GSTZ1: variants seen among roughly 807,000 people sequenced by gnomAD.
The protein encoded by GSTZ1 is maleylacetoacetate isomerase.
A neutral mutation model predicts 35.9 loss-of-function variants in GSTZ1; 34 were observed. The ratio of observed to expected loss-of-function variants is 0.95; its 90% CI spans 0.72 to 1.26. GSTZ1 has a LOEUF of 1.26. GSTZ1 is among the 50% of genes most tolerant of loss of function. The probability of loss-of-function intolerance (pLI) is 0.00; values close to 1 mark genes in which losing one functional copy is unlikely to be tolerated. For synonymous variants in GSTZ1, 93 were observed against 101.2 expected (o/e 0.92, Z 0.49); for missense variants, 263 against 271.7 (o/e 0.97, Z 0.23).
chr14:77,327,208 G>T, intron 3 of GSTZ1: 1 of 595,510 alleles, frequency 1.7e-6, no homozygotes, highest in Non-Finnish European at 3.0e-6. Flanking sequence ...GCTGACTAGG[G>T]TAGGAGCTGC....
chr14:77,327,115 A>G, intron 3 of GSTZ1: 1 of 598,336 alleles, frequency 1.7e-6, no homozygotes, highest in Non-Finnish European at 3.0e-6. Flanking sequence ...CAGACTGTGT[A>G]CCCTAGCCTG....
intron 4 of GSTZ1, 29 bp from the exon 5 acceptor site, chr14:77,327,883 T>A (rs1441402428): frequency 1.2e-6 from 2 of 1,612,812 alleles, no homozygotes; most frequent in South Asian, 2.2e-5. Context: ...CTGGGCCCTC[T>A]CCCTGCCTCA....
intron 2 of GSTZ1, chr14:77,325,853 A>C (rs566045945): frequency 6.6e-6 from 1 of 152,282 alleles, no homozygotes; most frequent in Non-Finnish European, 1.5e-5. Context: ...CCTGGGCGCC[A>C]GTACCTCTGC....
chr14:77,330,104 G>A, intron 7 of GSTZ1: 2 of 703,418 alleles, frequency 2.8e-6, no homozygotes, highest in South Asian at 1.5e-5. Flanking sequence ...GGTTGTCAGG[G>A]CAACTGGAGC....
At chr14:77,327,306 G>A in intron 3 of GSTZ1, 166 bp from the exon 4 acceptor site, 1 of 625,670 alleles carries the variant, frequency 1.6e-6, no homozygotes, top group South Asian at 1.9e-5. Context: ...TGGGCTTTGG[G>A]AGACTGCATG....
chr14:77,331,240 C>T lies in GSTZ1; in HGVS notation c.*45C>T. 6.3e-7 allele frequency: 1 copy of T among 1,582,524 alleles called. No homozygotes were observed. ...TGGCACAGGGCCACAGGAGCAGAAG[C>T]TGGGTGGGCTGAAGAGGCCTGGAAA... is the stretch of plus-strand genomic sequence containing the variant. On this transcript the variant is annotated 3_prime_UTR_variant, in exon 9 of 9. Coordinates refer to ENST00000216465, the MANE Select transcript of GSTZ1 (RefSeq NM_145870.3).
At chr14:77,325,908 G>C (rs922760581) in intron 2 of GSTZ1, 1 of 152,176 alleles carries the variant, frequency 6.6e-6, no homozygotes, top group Non-Finnish European at 1.5e-5. Context: ...CTGTCTGTAC[G>C]GCCTGTGTGC....
chr14:77,326,903 C>A lies in GSTZ1; in HGVS notation c.133C>A (p.Gln45Lys). 1 of 1,598,448 alleles carries A rather than the reference C, an allele frequency of 6.3e-7. No homozygotes were observed. Among genetic ancestry groups the A allele is most frequent in the Non-Finnish European group, 8.5e-7 (1 of 1,169,702 alleles). ...PINLIKDGGQ[Q>K]FSKDFQALNP... Reference sequence around the variant, plus strand: ...CAATCTCATAAAGGATGGGGGCCAACAGGTAAGAAGGCTGTGCCCAGACCA... The same window carrying A: ...CAATCTCATAAAGGATGGGGGCCAAAAGGTAAGAAGGCTGTGCCCAGACCA... The change falls in exon 3 of 9, where the codon CAG (glutamine) becomes AAG (lysine). Residue 45 changes from glutamine (Q) to lysine (K), a missense_variant and splice_region_variant. By Grantham distance (53) the Gln-to-Lys change is moderately conservative. Transcript: ENST00000216465.
At chr14:77,329,866 C>A in intron 7 of GSTZ1, 59 bp downstream of exon 7, 1 of 1,291,406 alleles carries the variant, frequency 7.7e-7, no homozygotes, top group South Asian at 1.2e-5. Context: ...CTCATGCTGA[C>A]CTCCCTCAAG....
chr14:77,327,166 G>T, intron 3 of GSTZ1: 1 of 592,138 alleles, frequency 1.7e-6, no homozygotes, highest in Non-Finnish European at 3.0e-6. Flanking sequence ...GGTGGCTAGT[G>T]GGTCCCCACC....
At chr14:77,324,984 G>C in intron 2 of GSTZ1, 63 bp downstream of exon 2, 1 of 1,388,812 alleles carries the variant, frequency 7.2e-7, no homozygotes, top group Non-Finnish European at 1.0e-6. Flanking sequence ...GGATAAGCCC[G>C]GGTGCAAAGC....
intron 2 of GSTZ1, chr14:77,326,008 A>G (rs1223139155): frequency 6.6e-6 from 1 of 152,188 alleles, no homozygotes; most frequent in Non-Finnish European, 1.5e-5. Flanking sequence ...GGAGCCTGGT[A>G]TTGCCCAGGC....
At chr14:77,321,460 G>GCTCCCCATAACAGACCCCTCCCTC (rs1302683119) in intron 1 of GSTZ1, 19 of 1,511,590 alleles carry the variant, frequency 1.3e-5, no homozygotes, top group Non-Finnish European at 1.4e-5. Context: ...CGCCCTCCCT[G>GCTCCCCATAACAGACCCCTCCCTC]CTCCCCATAA....
intron 4 of GSTZ1, 37 bp from the exon 5 acceptor site, chr14:77,327,875 G>A: frequency 6.2e-7 from 1 of 1,611,358 alleles, no homozygotes; most frequent in Non-Finnish European, 8.5e-7. Flanking sequence ...CAGGGGTCCT[G>A]GGCCCTCTCC....
In GSTZ1 at chr14:77,327,897, C is replaced by T. The variant is rs538538865; in HGVS notation, c.217-15C>T. The stretch of plus-strand genomic sequence containing the variant: ...CCTGGGCCCTCTCCCTGCCTCACTG[C>T]TCCCCTCTGGACAGCTGGCCATCAT... On this transcript the variant is annotated splice_polypyrimidine_tract_variant and intron_variant, in intron 4 of 8. Coordinates refer to ENST00000216465, the MANE Select transcript of GSTZ1 (RefSeq NM_145870.3). 1.2e-5 allele frequency: 19 copies of T among 1,613,634 alleles called. No individual in the cohort carries two copies. In the African/African-American group the frequency reaches 1.9e-4, roughly 16 times the overall value.
At chr14:77,328,224 G>T (rs1892439684) in intron 5 of GSTZ1, 187 bp downstream of exon 5, 2 of 628,384 alleles carry the variant, frequency 3.2e-6, no homozygotes, top group Non-Finnish European at 5.5e-6. Context: ...CCCCCAGCGG[G>T]TCCCCCGCTG....
rs774347306 is a variant in GSTZ1, at chr14:77,330,321, T to C, written c.486T>C (p.Ala162=). ...IYCVGDEVTM[A]DLCLVPQVAN... is the part of the protein sequence containing the mutation. ...GGGACCTCTTTCAGGTGACCATGGCTGATCTGTGCTTGGTGCCTCAGGTGG... is the reference window on the plus strand; with the variant it reads ...GGGACCTCTTTCAGGTGACCATGGCCGATCTGTGCTTGGTGCCTCAGGTGG... Residue 162 remains alanine, a synonymous_variant, in exon 8 of 9, where the codon GCT becomes GCC. Transcript: ENST00000216465. The C allele has an allele frequency of 1.9e-6, 3 of 1,613,682 alleles. No individual in the cohort carries two copies. Among genetic ancestry groups the C allele is most frequent in the South Asian group, 2.2e-5 (2 of 91,072 alleles).
In GSTZ1 at chr14:77,330,227, G is replaced by A. The variant is rs747681473; in HGVS notation, c.475-83G>A. The A allele has an allele frequency of 7.5e-6, 7 of 934,316 alleles. No homozygotes were observed. In the East Asian group the frequency reaches 9.6e-5, roughly 13 times the overall value. The allele number at this position is 934,316 out of a possible 1,614,324, so 57.9% of individuals were successfully genotyped here. The stretch of plus-strand genomic sequence containing the variant: ...CCGAAGCAGATTGTTGGTACCCCCA[G>A]TAGAGTCGCAGTGGACACACCCAGT... On this transcript the variant is annotated intron_variant, in intron 7 of 8. Coordinates refer to ENST00000216465, the MANE Select transcript of GSTZ1 (RefSeq NM_145870.3).
chr14:77,321,318 G>T, intron 1 of GSTZ1, 135 bp downstream of exon 1: 31 of 1,530,254 alleles, frequency 2.0e-5, no homozygotes, highest in Non-Finnish European at 2.6e-5. Flanking sequence ...CGCCGGGCAC[G>T]CTCTGCGCCT....
Sources: allele counts gnomAD v4.1 joint callset, GRCh38; gene constraint gnomAD v4.1.1; transcripts MANE v1.5; gene names NCBI Gene and HGNC (gene_info 2026-07-23, HGNC 2026-07-21).